ATG4B: variants seen among roughly 807,000 people sequenced by gnomAD.
The protein encoded by ATG4B is cysteine protease ATG4B.
ATG4B carries 29 observed loss-of-function variants against 56.6 expected under a neutral mutation model. The ratio of observed to expected loss-of-function variants is 0.51; its 90% CI spans 0.38 to 0.70. ATG4B has a LOEUF of 0.70. Among genes scored for constraint, ATG4B ranks in the 30% least tolerant of loss-of-function variants. The pLI is 0.00. For synonymous variants in ATG4B, 224 were observed against 206.1 expected (o/e 1.09, Z -0.74); for missense variants, 461 against 515.5 (o/e 0.89, Z 1.02).
rs538134785 is a variant in ATG4B, at chr2:241,645,483, C to T, written c.11-5527C>T. Among the ~76,000 whole-genome samples the T allele has an allele frequency of 2.1e-4, 32 of 152,340 alleles. No individual in the cohort carries two copies. The South Asian group carries it at 6.6e-3, about 32-fold the overall frequency. On this transcript the variant is annotated intron_variant, in intron 1 of 12. Coordinates refer to ENST00000404914, the MANE Select transcript of ATG4B (RefSeq NM_013325.5). ...CCATCCATGCCGGTTCGTGACTGCTCACCCGTTTCAGTGATCTGAGAAGGC... is the reference window on the plus strand; with the variant it reads ...CCATCCATGCCGGTTCGTGACTGCTTACCCGTTTCAGTGATCTGAGAAGGC...
At chr2:241,671,863 T>C in intron 12 of ATG4B, 1 of 1,294,322 alleles carries the variant, frequency 7.7e-7, no homozygotes, top group South Asian at 1.8e-5. Flanking sequence ...CATCTCTGTC[T>C]CCCTGTGGGA....
chr2:241,653,325 C>T, intron 3 of ATG4B, 187 bp from the exon 4 acceptor site: 1 of 1,549,154 alleles, frequency 6.5e-7, no homozygotes, highest in Non-Finnish European at 8.7e-7. Flanking sequence ...CGGGACATTT[C>T]ACTCTCCAGT....
At chr2:241,672,121 C>G (rs2068997477) in intron 12 of ATG4B, 70 bp from the exon 13 acceptor site, 2 of 1,543,164 alleles carry the variant, frequency 1.3e-6, no homozygotes, top group South Asian at 2.4e-5. Context: ...TGCCCCACGC[C>G]AAGGGCCCTT....
Position 241,651,347 on chromosome 2 carries a change from G to A in ATG4B, c.184+12G>A. The A allele has an allele frequency of 6.4e-7, 1 of 1,574,050 alleles. No individual in the cohort carries two copies. The highest frequency in any genetic ancestry group is 8.6e-7 in the Non-Finnish European group (1 of 1,156,604). On this transcript the variant is annotated intron_variant, in intron 3 of 12. Coordinates refer to ENST00000404914, the MANE Select transcript of ATG4B (RefSeq NM_013325.5). This position sits in a 1 kb window ranked among gnomAD's most constrained non-coding sequence, Gnocchi z 4.1. ...CTTTCCAGCCATTGGTAAGTACTCTGTTTTATTACAACGCGGGACAAAATA... is the reference window on the plus strand; with the variant it reads ...CTTTCCAGCCATTGGTAAGTACTCTATTTTATTACAACGCGGGACAAAATA...
At chr2:241,657,905 T>C (rs1008350288) in intron 6 of ATG4B, among the ~76,000 whole-genome samples, 1 of 152,204 alleles carries the variant, frequency 6.6e-6, no homozygotes, top group African/African-American at 2.4e-5. Context: ...CATGACACGT[T>C]GTGCTCCTGG....
At position 241,668,229 on chromosome 2, in the gene ATG4B, C is replaced by T. The variant is rs2068841043; in HGVS notation, c.811+8C>T. On this transcript the variant is annotated splice_region_variant and intron_variant, in intron 9 of 12. Transcript: ENST00000404914. This position sits in a 1 kb window ranked among gnomAD's most constrained non-coding sequence, Gnocchi z 4.2. ...ACTTCATCGGCTACGTTGGTGAGTC[C>T]AGGGTTCCCACCGTGTCCCTGTGGG... 2 of 1,593,822 alleles carry T rather than the reference C, an allele frequency of 1.3e-6. No individual in the cohort carries two copies. The highest frequency in any genetic ancestry group is 1.7e-5 in the Admixed American group (1 of 57,484).
intron 10 of ATG4B, among the ~76,000 whole-genome samples, chr2:241,669,769 A>C (rs1303188931): frequency 1.3e-5 from 2 of 152,198 alleles, no homozygotes; most frequent in Non-Finnish European, 2.9e-5. Context: ...GGCCTCCCAA[A>C]GTGCTGGGAT....
intron 3 of ATG4B, 196 bp from the exon 4 acceptor site, chr2:241,653,316 G>A (rs1170814259): frequency 1.3e-6 from 2 of 1,547,980 alleles, no homozygotes; most frequent in East Asian, 2.4e-5. Context: ...GGAGGTTGTC[G>A]GGACATTTCA....
intron 1 of ATG4B, among the ~76,000 whole-genome samples, chr2:241,644,909 A>G (rs964669199): frequency 1.3e-5 from 2 of 151,546 alleles, no homozygotes; most frequent in African/African-American, 2.4e-5. Context: ...AGATCGTGCC[A>G]TTGCACTCCA....
At chr2:241,658,982 GA>G (rs2068502267) in intron 6 of ATG4B, 125 bp from the exon 7 acceptor site, 1 of 637,216 alleles carries the variant, frequency 1.6e-6, no homozygotes, top group South Asian at 2.1e-5. Context: ...CGGATTTTAG[GA>G]GCCTTGGCCC....
chr2:241,643,393 G>A (rs2067961378), intron 1 of ATG4B, among the ~76,000 whole-genome samples: 1 of 135,860 alleles, frequency 7.4e-6, no homozygotes, highest in African/African-American at 2.8e-5. Flanking sequence ...TTTTAAGAGA[G>A]ACAGGGTCTC....
In ATG4B at chr2:241,651,145, C is replaced by T. The variant is rs755462913; in HGVS notation, c.112+34C>T. The stretch of plus-strand genomic sequence containing the variant: ...CATGCTGGAGCCCACCCTGGTCTGA[C>T]CGCTTGGCCTGCAGAAGCATTTTGT... On this transcript the variant is annotated intron_variant, in intron 2 of 12. Transcript: ENST00000404914. The surrounding 1 kb of genome is among the most constrained non-coding windows in gnomAD (Gnocchi z 4.1). 3.1e-6 allele frequency: 5 copies of T among 1,588,324 alleles called. No homozygotes were observed. The highest frequency in any genetic ancestry group is 1.3e-5 in the African/African-American group (1 of 74,358).
chr2:241,654,419 TA>T (rs201525288), intron 4 of ATG4B, 126 bp from the exon 5 acceptor site: 127,004 of 432,088 alleles, frequency 0.29, 7,347 homozygotes, highest in African/African-American at 0.35. Flanking sequence ...AGACTCTGTT[TA>T]AAAAAAAAAA....
In ATG4B at chr2:241,642,871, C is replaced by CTTTTTTTTTTTTTTTTTTTT. The variant is rs1321613822; in HGVS notation, c.10+5147_10+5148insTTTTTTTTTTTTTTTTTTTT. On this transcript the variant is annotated intron_variant, in intron 1 of 12. Coordinates refer to ENST00000404914, the MANE Select transcript of ATG4B (RefSeq NM_013325.5). ...CTTAAGGTGTACAGCACCTCTCCGTCCTTTTTTTTTTTTTTTTTTTTTTTT... is the reference window on the plus strand; with the variant it reads ...CTTAAGGTGTACAGCACCTCTCCGTCTTTTTTTTTTTTTTTTTTTTCTTTTTTTTTTTTTTTTTTTTTTTT... Among the ~76,000 whole-genome samples, 19 of 98,426 alleles carry CTTTTTTTTTTTTTTTTTTTT rather than the reference C, an allele frequency of 1.9e-4. 9 individuals are homozygous for CTTTTTTTTTTTTTTTTTTTT. The East Asian group carries it at 2.6e-3, about 14-fold the overall frequency. 64.6% of individuals were successfully genotyped at this position (98,426 alleles called of 152,430 possible). A position where few individuals can be genotyped will look rare whatever the true frequency, so the allele number is the denominator to read the frequency against.
At chr2:241,670,624 G>A in intron 10 of ATG4B, 102 bp from the exon 11 acceptor site, 1 of 1,090,372 alleles carries the variant, frequency 9.2e-7, no homozygotes, top group Non-Finnish European at 1.4e-6. Flanking sequence ...CCTGCATGCT[G>A]GGGGCCTCTG....
chr2:241,658,069 C>T (rs549152203), intron 6 of ATG4B, among the ~76,000 whole-genome samples: 12 of 152,350 alleles, frequency 7.9e-5, no homozygotes, highest in African/African-American at 2.9e-4. Flanking sequence ...CTCCCCGTTC[C>T]TGCGTTACTG....
At chr2:241,644,547 C>G (rs1300988221) in intron 1 of ATG4B, among the ~76,000 whole-genome samples, 1 of 152,150 alleles carries the variant, frequency 6.6e-6, no homozygotes, top group African/African-American at 2.4e-5. Flanking sequence ...CGACCAGGCT[C>G]TCAGACTCCA....
chr2:241,673,572 A>C lies in ATG4B; in HGVS notation c.*1308A>C, dbSNP rs987331199. 1 of 451,650 alleles carries C rather than the reference A, an allele frequency of 2.2e-6. No individual in the cohort carries two copies. Among genetic ancestry groups the C allele is most frequent in the Non-Finnish European group, 4.4e-6 (1 of 225,962 alleles). 28.0% of individuals were successfully genotyped at this position (451,650 alleles called of 1,614,324 possible). On this transcript the variant is annotated 3_prime_UTR_variant, in exon 13 of 13. Transcript: ENST00000404914. Reference sequence around the variant, plus strand: ...AGCAGAGGACACCCCCAGCCCCCCAAGCATTGAAGACATAGTGTATTTCCT... The same window carrying C: ...AGCAGAGGACACCCCCAGCCCCCCACGCATTGAAGACATAGTGTATTTCCT...
chr2:241,669,656 C>T (rs999137299), intron 10 of ATG4B, among the ~76,000 whole-genome samples: 5 of 152,156 alleles, frequency 3.3e-5, no homozygotes, highest in African/African-American at 9.7e-5. Context: ...TACAGGCACC[C>T]GCCACCACGC....
Sources: gnomAD v4.1 joint callset for allele counts (sites outside exome capture counted in the v4.1 genomes callset) on GRCh38, gnomAD v4.1.1 for gene constraint, Gnocchi (gnomAD v3.1) non-coding constraint, MANE v1.5 for transcripts, NCBI Gene and HGNC (gene_info 2026-07-23, HGNC 2026-07-21) for gene names.